DYNLRB1: variants seen among roughly 807,000 people sequenced by gnomAD.
DYNLRB1 encodes the protein ROBL/LC7-like 1.
DYNLRB1 carries 6 observed loss-of-function variants against 13.5 expected under a neutral mutation model. The observed-to-expected ratio is 0.44, with a 90% CI of 0.24 to 0.88. The LOEUF (loss-of-function observed/expected upper bound fraction) is 0.88. Among genes scored for constraint, DYNLRB1 ranks in the 40% least tolerant of loss-of-function variants. DYNLRB1 has a pLI of 0.21. For missense variants in DYNLRB1, 93 were observed against 127.2 expected, an observed-to-expected ratio of 0.73 and a Z score of 1.29; for synonymous variants, 43 against 45.0, an observed-to-expected ratio of 0.96 and a Z score of 0.18.
At chr20:34,537,477 G>A (rs1480768889) in intron 3 of DYNLRB1, among the ~76,000 whole-genome samples, 1 of 152,136 alleles carries the variant, frequency 6.6e-6, no homozygotes, top group Non-Finnish European at 1.5e-5. Flanking sequence ...CTCCACTGCT[G>A]ACACCCCACT....
intron 1 of DYNLRB1, among the ~76,000 whole-genome samples, chr20:34,523,118 C>A (rs1979896057): frequency 6.6e-6 from 1 of 152,102 alleles, no homozygotes; most frequent in Non-Finnish European, 1.5e-5. Flanking sequence ...AGTAGAGGGG[C>A]TGATGTCAGA....
At chr20:34,524,219 C>T (rs1600542063) in intron 1 of DYNLRB1, among the ~76,000 whole-genome samples, 1 of 152,100 alleles carries the variant, frequency 6.6e-6, no homozygotes, top group East Asian at 1.9e-4. Flanking sequence ...GCTCTTTTTT[C>T]ATAATCTCCT....
chr20:34,539,168 C>T (rs903971273), intron 3 of DYNLRB1, among the ~76,000 whole-genome samples: 26 of 152,226 alleles, frequency 1.7e-4, no homozygotes, highest in Non-Finnish European at 3.8e-4. Context: ...TCATCAAGCC[C>T]TAAATGCAAC....
intron 3 of DYNLRB1, among the ~76,000 whole-genome samples, chr20:34,538,944 G>A (rs188547727): frequency 6.2e-4 from 94 of 152,356 alleles, no homozygotes; most frequent in Admixed American, 1.2e-3. Flanking sequence ...AACTCTCTGA[G>A]GCTCCGTGTT....
chr20:34,526,485 C>CTTT (rs386393667), intron 2 of DYNLRB1, 142 bp downstream of exon 2: 37,357 of 234,964 alleles, frequency 0.16, 3,850 homozygotes, highest in Admixed American at 0.24. Flanking sequence ...CTCCAGTGTT[C>CTTT]TTTTTTTTTT....
At chr20:34,536,827 G>T (rs1201229347) in intron 3 of DYNLRB1, among the ~76,000 whole-genome samples, 1 of 152,008 alleles carries the variant, frequency 6.6e-6, no homozygotes, top group Admixed American at 6.6e-5. Context: ...CTCCCCAGTG[G>T]CCCACTGGGA....
intron 2 of DYNLRB1, among the ~76,000 whole-genome samples, chr20:34,527,282 T>G (rs1468606021): frequency 6.6e-6 from 1 of 152,228 alleles, no homozygotes; most frequent in Non-Finnish European, 1.5e-5. Flanking sequence ...GACTCTGGAA[T>G]CCAGCAGTTG....
chr20:34,521,500 TTA>T (rs1233539560), intron 1 of DYNLRB1, among the ~76,000 whole-genome samples: 1 of 152,210 alleles, frequency 6.6e-6, no homozygotes, highest in Non-Finnish European at 1.5e-5. Flanking sequence ...TTCTATCCTG[TTA>T]GATTAGTTAT....
chr20:34,526,725 A>G (rs1288313083), intron 2 of DYNLRB1: 1 of 199,902 alleles, frequency 5.0e-6, no homozygotes, highest in Admixed American at 5.3e-5. Flanking sequence ...CCATAATCAT[A>G]GTTGTTACCC....
At chr20:34,525,953 C>A (rs982583200) in intron 1 of DYNLRB1, among the ~76,000 whole-genome samples, 2 of 152,222 alleles carry the variant, frequency 1.3e-5, no homozygotes, top group Admixed American at 6.5e-5. Flanking sequence ...ATATGTGAGT[C>A]ATGGACATGT....
Position 34,536,178 on chromosome 20 carries a change from T to G in DYNLRB1, c.247+1383T>G. ...TCACGCTTCTGTGTGTAATGCCTGA[T>G]CCATCGGGGAGAAAAGACTGCAGGA... On this transcript the variant is annotated intron_variant, in intron 3 of 3. Transcript: ENST00000357156. 3.0e-6 allele frequency: 3 copies of G among 985,422 alleles called. No homozygotes were observed. The South Asian group carries it at 1.4e-4, about 46-fold the overall frequency. The allele number at this position is 985,422 out of a possible 1,614,324, so 61.0% of individuals were successfully genotyped here. A position where few individuals can be genotyped will look rare whatever the true frequency, so the allele number is the denominator to read the frequency against.
intron 2 of DYNLRB1, chr20:34,530,701 T>G (rs1348660136): frequency 6.6e-6 from 1 of 152,224 alleles, no homozygotes; most frequent in African/African-American, 2.4e-5. Context: ...CACTGATCCA[T>G]GGGGCCTTTA....
At chr20:34,537,787 C>T (rs1981268949) in intron 3 of DYNLRB1, among the ~76,000 whole-genome samples, 1 of 152,114 alleles carries the variant, frequency 6.6e-6, no homozygotes, top group Non-Finnish European at 1.5e-5. Flanking sequence ...GTAGTTAGCA[C>T]CCTACACATC....
intron 2 of DYNLRB1, chr20:34,529,760 T>A: frequency 1.7e-6 from 2 of 1,165,880 alleles, no homozygotes; most frequent in Non-Finnish European, 2.2e-6. Flanking sequence ...GATTTCCAAG[T>A]CAGCAGAGCC....
At chr20:34,521,036 T>G (rs1446769904) in intron 1 of DYNLRB1, among the ~76,000 whole-genome samples, 1 of 152,146 alleles carries the variant, frequency 6.6e-6, no homozygotes, top group East Asian at 1.9e-4. Flanking sequence ...CTTTTTTTTT[T>G]GAAATGGAAT....
chr20:34,530,395 G>C, intron 2 of DYNLRB1: 1 of 617,098 alleles, frequency 1.6e-6, no homozygotes, highest in Non-Finnish European at 2.0e-6. Context: ...TTTCTCATTT[G>C]TAAAATGTGG....
At chr20:34,536,694 G>C (rs1981168671) in intron 3 of DYNLRB1, among the ~76,000 whole-genome samples, 1 of 150,300 alleles carries the variant, frequency 6.7e-6, no homozygotes, top group Admixed American at 6.7e-5. Flanking sequence ...GCAGTGAGCT[G>C]AGATCGCGCC....
At position 34,524,729 on chromosome 20, in the gene DYNLRB1, T is replaced by G. The variant is rs560662944; in HGVS notation, c.4-1539T>G. ...CATAAGTCCATTTTCCACTTTTTTT[T>G]TTGTTTTTTTTTTTTGGAAATGGAG... is the stretch of plus-strand genomic sequence containing the variant. On this transcript the variant is annotated intron_variant, in intron 1 of 3. Coordinates refer to ENST00000357156, the MANE Select transcript of DYNLRB1 (RefSeq NM_014183.4). Among the ~76,000 whole-genome samples, 21 of 151,950 alleles carry G rather than the reference T, an allele frequency of 1.4e-4. No individual in the cohort carries two copies. In the South Asian group the frequency reaches 1.7e-3, roughly 12 times the overall value.
chr20:34,531,594 T>C (rs1276468086), intron 2 of DYNLRB1, among the ~76,000 whole-genome samples: 1 of 152,266 alleles, frequency 6.6e-6, no homozygotes, highest in Non-Finnish European at 1.5e-5. Flanking sequence ...AGACTCCTCA[T>C]GCCAATATCT....
Sources: allele counts gnomAD v4.1 joint callset (sites outside exome capture counted in the v4.1 genomes callset), GRCh38; gene constraint gnomAD v4.1.1; transcripts MANE v1.5; gene names NCBI Gene and HGNC (gene_info 2026-07-23, HGNC 2026-07-21).